Variants in FRG1 observed in about 807,000 individuals in gnomAD.
The protein encoded by FRG1 is FSHD region gene 1.
FRG1 carries 19 observed loss-of-function variants against 37.0 expected under a neutral mutation model. The observed-to-expected ratio is 0.51, with a 90% confidence interval of 0.36 to 0.75. The LOEUF is 0.75. FRG1 is among the 30% of genes least tolerant of loss of function. FRG1 has a pLI of 0.00. For missense variants in FRG1, 243 were observed against 301.4 expected (o/e 0.81, Z 1.44); for synonymous variants, 73 against 96.5 (o/e 0.76, Z 1.43).
In FRG1 at chr4:189,950,438, T is replaced by A. The variant is rs1437372275; in HGVS notation, c.134-1724T>A. Among the ~76,000 whole-genome samples, 4 of 152,216 alleles carry A rather than the reference T, an allele frequency of 2.6e-5. No individual in the cohort carries two copies. The South Asian group carries it at 8.3e-4, about 31-fold the overall frequency. On this transcript the variant is annotated intron_variant, in intron 2 of 8. Coordinates refer to ENST00000226798, the MANE Select transcript of FRG1 (RefSeq NM_004477.3). ...CTTTGATGTTCTACATAAGAAATCA[T>A]TGCCAAATTCATGTCGTGAAGCTTT...
At position 189,943,187 on chromosome 4, in the gene FRG1, A is replaced by G. The variant is rs750896674; in HGVS notation, c.63-15A>G. The G allele has an allele frequency of 1.9e-6, 3 of 1,564,460 alleles. No individual in the cohort carries two copies. In the Admixed American group the frequency reaches 5.4e-5, roughly 28 times the overall value. On this transcript the variant is annotated splice_polypyrimidine_tract_variant and intron_variant, in intron 1 of 8. Coordinates refer to ENST00000226798, the MANE Select transcript of FRG1 (RefSeq NM_004477.3). ...CAATATACCTAAACTCGTCTATATA[A>G]ATTATGTCCTGTAGTAAGAAGAAAA...
chr4:189,958,912 C>T (rs1229820555), intron 6 of FRG1, among the ~76,000 whole-genome samples: 2 of 152,050 alleles, frequency 1.3e-5, no homozygotes, highest in Admixed American at 6.6e-5. Flanking sequence ...ACTGAGCATC[C>T]TGAACCTTGC....
At chr4:189,961,045 G>GGTCT (rs1451620479) in intron 7 of FRG1, 1 of 525,048 alleles carries the variant, frequency 1.9e-6, no homozygotes, top group Admixed American at 3.7e-5. Context: ...CAGCCTGGGT[G>GGTCT]GCAGAGCAAG....
chr4:189,942,806 C>T lies in FRG1; in HGVS notation c.63-396C>T, dbSNP rs570691027. ...TTCCTGTAGATGCTGCACCATTTTA[C>T]ATTTCCACCAGGAATGTGTGAAGGT... On this transcript the variant is annotated intron_variant, in intron 1 of 8. Transcript: ENST00000226798. Among the ~76,000 whole-genome samples the T allele has an allele frequency of 3.3e-5, 5 of 152,312 alleles. No homozygotes were observed. The South Asian group carries it at 1.0e-3, about 32-fold the overall frequency.
chr4:189,943,150 T>TAAA, intron 1 of FRG1, 52 bp from the exon 2 acceptor site: 4 of 1,486,356 alleles, frequency 2.7e-6, no homozygotes, highest in Non-Finnish European at 3.6e-6. Flanking sequence ...TTACAATATT[T>TAAA]ATCGTACAAA....
rs536675534 is a variant in FRG1, at chr4:189,961,553, G to A, written c.630-269G>A. The stretch of plus-strand genomic sequence containing the variant: ...CTCCCGAGTAGCTGGGACTACAGGC[G>A]CGTGCCACTATGCTCGGCTAATTTT... On this transcript the variant is annotated intron_variant, in intron 7 of 8. Transcript: ENST00000226798. 29 of 219,068 alleles carry A rather than the reference G, an allele frequency of 1.3e-4. 1 individual carries two copies. Among genetic ancestry groups the A allele is most frequent in the South Asian group, 6.3e-4 (7 of 11,110 alleles). The allele number at this position is 219,068 out of a possible 1,614,324, so 13.6% of individuals were successfully genotyped here. A position where few individuals can be genotyped will look rare whatever the true frequency, so the allele number is the denominator to read the frequency against.
At chr4:189,962,547 G>C (rs1737281349) in intron 8 of FRG1, among the ~76,000 whole-genome samples, 8 of 151,604 alleles carry the variant, frequency 5.3e-5, no homozygotes, top group Admixed American at 3.3e-4. Flanking sequence ...ATGTTGCAAA[G>C]TTACTCTTAC....
chr4:189,958,691 A>AT (rs1227351686), intron 6 of FRG1, among the ~76,000 whole-genome samples: 4 of 152,252 alleles, frequency 2.6e-5, no homozygotes, highest in African/African-American at 9.6e-5. Flanking sequence ...AGACATCTTC[A>AT]TATCAAGGTG....
chr4:189,960,055 G>A (rs1357724137), intron 6 of FRG1: 1 of 199,462 alleles, frequency 5.0e-6, no homozygotes, highest in Non-Finnish European at 9.0e-6. Flanking sequence ...AATCAGAACT[G>A]TCACAAAGAT....
At chr4:189,956,605 C>T (rs1179787486) in intron 5 of FRG1, among the ~76,000 whole-genome samples, 1 of 152,148 alleles carries the variant, frequency 6.6e-6, no homozygotes, top group Admixed American at 6.5e-5. Flanking sequence ...ACCACCCAGC[C>T]CTTGTGACCT....
chr4:189,944,752 G>A (rs551449728), intron 2 of FRG1, among the ~76,000 whole-genome samples: 19 of 152,046 alleles, frequency 1.2e-4, no homozygotes, highest in South Asian at 1.0e-3. Context: ...CTGTTCTATC[G>A]ATACGTTTGT....
intron 1 of FRG1, chr4:189,942,100 C>T (rs181287415): frequency 1.7e-4 from 30 of 178,726 alleles, no homozygotes; most frequent in Admixed American, 3.2e-4. Flanking sequence ...AATGCAGACA[C>T]GGGTGTCTTA....
Position 189,941,021 on chromosome 4 carries a change from C to T in FRG1, c.12C>T (p.Tyr4=), listed in dbSNP as rs924635344. 3.1e-6 allele frequency: 5 copies of T among 1,614,062 alleles called. No homozygotes were observed. The highest frequency in any genetic ancestry group is 1.3e-5 in the African/African-American group (1 of 75,044). Residue 4 remains tyrosine, a synonymous_variant, in exon 1 of 9, where the codon TAC becomes TAT. Transcript: ENST00000226798. ...AGTTTCCCGGAGCCATGGCCGAGTACTCCTACGTGAAGTCTACCAAGCTCG... is the reference window on the plus strand; with the variant it reads ...AGTTTCCCGGAGCCATGGCCGAGTATTCCTACGTGAAGTCTACCAAGCTCG... MAE[Y]SYVKSTKLVL...
chr4:189,962,368 G>C (rs1447632060), intron 8 of FRG1, among the ~76,000 whole-genome samples: 3 of 152,162 alleles, frequency 2.0e-5, no homozygotes, highest in Admixed American at 6.5e-5. Context: ...TTGGAAGAGT[G>C]CAGGATGTTT....
chr4:189,946,311 C>CAAA (rs34356772), intron 2 of FRG1, among the ~76,000 whole-genome samples: 35,506 of 104,744 alleles, frequency 0.34, 4,756 homozygotes, highest in Middle Eastern at 0.53. Flanking sequence ...GCTGATAAGC[C>CAAA]AAAAAAAAAA....
intron 1 of FRG1, chr4:189,941,746 T>G: frequency 3.3e-6 from 1 of 306,832 alleles, no homozygotes; most frequent in Non-Finnish European, 6.6e-6. Context: ...GAGCCAAATG[T>G]GAGGAGGAGG....
intron 2 of FRG1, among the ~76,000 whole-genome samples, chr4:189,950,427 A>C (rs1300967702): frequency 2.0e-5 from 3 of 152,194 alleles, no homozygotes; most frequent in African/African-American, 7.2e-5. Flanking sequence ...GATGTTCTAC[A>C]TAAGAAATCA....
At chr4:189,941,691 G>T (rs1736309317) in intron 1 of FRG1, 1 of 220,694 alleles carries the variant, frequency 4.5e-6, no homozygotes, top group South Asian at 4.6e-5. Flanking sequence ...ACTTTTAGAA[G>T]ACTGTGAGGA....
At chr4:189,944,858 G>A (rs1040680569) in intron 2 of FRG1, among the ~76,000 whole-genome samples, 3 of 152,058 alleles carry the variant, frequency 2.0e-5, no homozygotes, top group African/African-American at 7.2e-5. Context: ...CTTATTAACT[G>A]TTAATTTATT....
Sources: allele counts gnomAD v4.1 joint callset (sites outside exome capture counted in the v4.1 genomes callset), GRCh38; gene constraint gnomAD v4.1.1; transcripts MANE v1.5; gene names NCBI Gene and HGNC (gene_info 2026-07-23, HGNC 2026-07-21).